SLC30A8: variants seen among roughly 807,000 people sequenced by gnomAD.
The protein encoded by SLC30A8 is solute carrier family 30 member 8.
A neutral mutation model predicts 36.9 loss-of-function variants in SLC30A8; 27 were observed. The ratio of observed to expected loss-of-function variants is 0.73; its 90% CI spans 0.54 to 1.01. The LOEUF (loss-of-function observed/expected upper bound fraction) is 1.01. Ranked by LOEUF, SLC30A8 falls within the 50% of genes least tolerant of loss-of-function variation. The pLI is 0.00. For missense variants in SLC30A8, 439 were observed against 452.0 expected, an observed-to-expected ratio of 0.97 and a Z score of 0.26; for synonymous variants, 164 against 172.4, an observed-to-expected ratio of 0.95 and a Z score of 0.38.
chr8:116,974,174 C>A (rs1814895009), intron 1 of SLC30A8, among the ~76,000 whole-genome samples: 1 of 152,032 alleles, frequency 6.6e-6, no homozygotes, highest in Admixed American at 6.5e-5. Flanking sequence ...GCAACAAAAG[C>A]CAAAATAGAC....
intron 1 of SLC30A8, among the ~76,000 whole-genome samples, chr8:116,999,430 G>A (rs1241938640): frequency 6.6e-6 from 1 of 152,186 alleles, no homozygotes; most frequent in Admixed American, 6.5e-5. Context: ...GACAGCAAGA[G>A]AGGGAGAGAC....
At chr8:117,074,579 T>A (rs56884729) in intron 2 of SLC30A8, among the ~76,000 whole-genome samples, 14,413 of 152,212 alleles carry the variant, frequency 0.095, 1,118 homozygotes, top group African/African-American at 0.22. Flanking sequence ...TTTAAATCTT[T>A]ATCACCAACC....
At chr8:117,048,974 T>C (rs969024102) in intron 2 of SLC30A8, among the ~76,000 whole-genome samples, 2 of 152,228 alleles carry the variant, frequency 1.3e-5, no homozygotes, top group Non-Finnish European at 1.5e-5. Flanking sequence ...TTTCTACCAA[T>C]GTTGGCATTA....
chr8:116,988,065 T>A (rs1170606315), intron 1 of SLC30A8, among the ~76,000 whole-genome samples: 1 of 152,158 alleles, frequency 6.6e-6, no homozygotes. Flanking sequence ...TCTCCTAAAC[T>A]GAGATATCCC....
rs533552106 is a variant in SLC30A8 at position 117,057,120 on chromosome 8, G to A, written c.-226+17862G>A. On this transcript the variant is annotated intron_variant, in intron 2 of 10. Coordinates refer to the SLC30A8 transcript ENST00000427715. ...GGCTAAGAACTCTTAAGATCAAGGA[G>A]CCAGCAAATTTGATGTCGAGTGAGG... 2.6e-5 allele frequency among the ~76,000 whole-genome samples: 4 copies of A among 152,250 alleles called. No individual in the cohort carries two copies. The East Asian group carries it at 7.7e-4, about 29-fold the overall frequency.
intron 1 of SLC30A8, among the ~76,000 whole-genome samples, chr8:116,963,473 A>G (rs1814499078): frequency 6.6e-6 from 1 of 152,122 alleles, no homozygotes. Context: ...CTGCTAATAT[A>G]CTTTATGGAT....
At chr8:117,108,141 C>T (rs1177134338) in intron 2 of SLC30A8, among the ~76,000 whole-genome samples, 2 of 152,104 alleles carry the variant, frequency 1.3e-5, no homozygotes, top group African/African-American at 2.4e-5. Flanking sequence ...GTAATTAAAA[C>T]ATGTAAGATA....
At chr8:117,149,656 A>G (rs550640943) in intron 2 of SLC30A8, among the ~76,000 whole-genome samples, 1 of 152,312 alleles carries the variant, frequency 6.6e-6, no homozygotes, top group Admixed American at 6.5e-5. Context: ...CAAAGTGAAA[A>G]TTGTCAGGAG....
intron 2 of SLC30A8, among the ~76,000 whole-genome samples, chr8:117,081,790 C>A (rs930420773): frequency 1.3e-5 from 2 of 152,142 alleles, no homozygotes; most frequent in African/African-American, 4.8e-5. Flanking sequence ...AAAATTGTCA[C>A]CTAATAACAA....
chr8:117,004,651 A>G (rs1396658544), intron 1 of SLC30A8, among the ~76,000 whole-genome samples: 2 of 152,182 alleles, frequency 1.3e-5, no homozygotes, highest in Non-Finnish European at 2.9e-5. Context: ...GAAAGATTAG[A>G]TTGGAACGTT....
intron 1 of SLC30A8, among the ~76,000 whole-genome samples, chr8:117,016,396 T>A (rs1425669376): frequency 6.6e-6 from 1 of 152,178 alleles, no homozygotes; most frequent in Non-Finnish European, 1.5e-5. Context: ...GGCTGGGCAC[T>A]GCAGAAAGAG....
intron 2 of SLC30A8, chr8:117,128,526 A>T (rs544721220): frequency 8.7e-6 from 1 of 115,320 alleles, no homozygotes; most frequent in African/African-American, 4.3e-5. Flanking sequence ...ATATTCTTTT[A>T]AAAAATAATA....
intron 1 of SLC30A8, among the ~76,000 whole-genome samples, chr8:116,976,826 T>TTTTCTTTTCTTTTCTTTTC (rs1815042574): frequency 7.0e-6 from 1 of 141,950 alleles, no homozygotes; most frequent in Admixed American, 6.8e-5. Context: ...TTCTTTCTTT[T>TTTTCTTTTCTTTTCTTTTC]TTTTTTTTTT....
chr8:117,007,347 T>G (rs1391685014), intron 1 of SLC30A8, among the ~76,000 whole-genome samples: 1 of 152,208 alleles, frequency 6.6e-6, no homozygotes, highest in Non-Finnish European at 1.5e-5. Context: ...TATTTTTGGC[T>G]TCATAAAAAT....
In SLC30A8 at chr8:117,145,398, T is replaced by C. The variant is rs531442464; in HGVS notation, c.72-1556T>C. ...TAATCCAGATTTTCTATAATGAATA[T>C]ATATTATTTTATTCAGAAAAATCAA... On this transcript the variant is annotated intron_variant, in intron 1 of 7. Transcript: ENST00000456015. Among the ~76,000 whole-genome samples, 22 of 152,156 alleles carry C rather than the reference T, an allele frequency of 1.4e-4. No individual in the cohort carries two copies. The South Asian group carries it at 4.6e-3, about 32-fold the overall frequency.
intron 1 of SLC30A8, among the ~76,000 whole-genome samples, chr8:117,138,072 A>G (rs1821447023): frequency 6.6e-6 from 1 of 150,624 alleles, no homozygotes; most frequent in Non-Finnish European, 1.5e-5. Flanking sequence ...AAAAAAAAAA[A>G]AAAAAAAAGA....
At chr8:117,081,377 CT>C (rs1173669587) in intron 2 of SLC30A8, among the ~76,000 whole-genome samples, 1 of 152,210 alleles carries the variant, frequency 6.6e-6, no homozygotes, top group Non-Finnish European at 1.5e-5. Flanking sequence ...AGATGGCCGT[CT>C]TCTCACTGTG....
intron 1 of SLC30A8, among the ~76,000 whole-genome samples, chr8:117,020,737 T>A (rs1213320311): frequency 6.6e-6 from 1 of 152,170 alleles, no homozygotes; most frequent in Non-Finnish European, 1.5e-5. Context: ...GAGATATTGG[T>A]ATTGTATTGT....
chr8:116,995,575 C>T (rs1307559949), intron 1 of SLC30A8, among the ~76,000 whole-genome samples: 1 of 152,014 alleles, frequency 6.6e-6, no homozygotes, highest in East Asian at 1.9e-4. Context: ...CTTGTATGAG[C>T]TACTGCAGCT....
Sources: allele counts gnomAD v4.1 joint callset (sites outside exome capture counted in the v4.1 genomes callset), GRCh38; gene constraint gnomAD v4.1.1; transcripts MANE v1.5; gene names NCBI Gene and HGNC (gene_info 2026-07-23, HGNC 2026-07-21).